The following HSPA12A variants were observed in gnomAD, a reference collection of about 807,000 sequenced individuals.
HSPA12A encodes heat shock protein family A (Hsp70) member 12A, also known as heat shock 70 kDa protein 12A.
A neutral mutation model predicts 69.2 loss-of-function variants in HSPA12A; 28 were observed. The observed-to-expected ratio is 0.40, with a 90% CI of 0.30 to 0.55. HSPA12A has a LOEUF of 0.55. Ranked by LOEUF, HSPA12A falls within the 20% of genes least tolerant of loss-of-function variation. HSPA12A has a pLI of 0.38. For missense variants in HSPA12A, 686 were observed against 900.7 expected, an observed-to-expected ratio of 0.76 and a Z score of 3.05; for synonymous variants, 345 against 370.5, an observed-to-expected ratio of 0.93 and a Z score of 0.79.
chr10:116,687,830 C>T (rs1268773771), intron 6 of HSPA12A, among the ~76,000 whole-genome samples: 1 of 152,232 alleles, frequency 6.6e-6, no homozygotes, highest in African/African-American at 2.4e-5. Flanking sequence ...AGCCCTCCCT[C>T]CACTGGGGCC....
chr10:116,841,646 T>A (rs1845802042), intron 1 of HSPA12A, among the ~76,000 whole-genome samples: 1 of 152,184 alleles, frequency 6.6e-6, no homozygotes, highest in Non-Finnish European at 1.5e-5. Flanking sequence ...GTTTGTCATA[T>A]ACAAAAGAGA....
rs1432371974 is a variant in HSPA12A at position 116,675,296 on chromosome 10, T to C, written c.1513A>G (p.Ile505Val). ...QAAFGDQCRI[I>V]IPQDVGLTIL... Reference sequence around the variant, plus strand: ...GTGAGGCCCACGTCCTGGGGGATGATGATCCGGCACTGGTCCCCAAAAGCA... The same window carrying C: ...GTGAGGCCCACGTCCTGGGGGATGACGATCCGGCACTGGTCCCCAAAAGCA... Residue 505 changes from isoleucine (I) to valine (V), a missense_variant, in exon 12 of 12, where the codon ATC (isoleucine) becomes GTC (valine). Coordinates refer to ENST00000369209, the MANE Select transcript of HSPA12A (RefSeq NM_025015.3). This position sits in a 1 kb window ranked among gnomAD's most constrained non-coding sequence, Gnocchi z 5.2. The C allele has an allele frequency of 1.9e-6, 3 of 1,613,306 alleles. No individual in the cohort carries two copies. Among genetic ancestry groups the C allele is most frequent in the Non-Finnish European group, 8.5e-7 (1 of 1,180,036 alleles).
In HSPA12A at chr10:116,674,502, T is replaced by A. The variant is rs1260662111; in HGVS notation, c.*279A>T. On this transcript the variant is annotated 3_prime_UTR_variant, in exon 12 of 12. Coordinates refer to ENST00000369209, the MANE Select transcript of HSPA12A (RefSeq NM_025015.3). ...CTGCAGAAATGTACTGATTCCCTTC[T>A]CCGTGGCCATTTCACCACTTTTGTA... 8 of 469,682 alleles carry A rather than the reference T, an allele frequency of 1.7e-5. No individual in the cohort carries two copies. The East Asian group carries it at 3.0e-4, about 18-fold the overall frequency. The allele number at this position is 469,682 out of a possible 1,614,324, so 29.1% of individuals were successfully genotyped here.
chr10:116,707,330 G>A (rs1185607916), intron 1 of HSPA12A, 45 bp from the exon 2 acceptor site: 3 of 1,445,034 alleles, frequency 2.1e-6, no homozygotes, highest in Non-Finnish European at 2.9e-6. Context: ...GGCATGGACT[G>A]ACCCAGGGGG....
chr10:116,718,971 G>T (rs146506951), intron 1 of HSPA12A, among the ~76,000 whole-genome samples: 70 of 152,146 alleles, frequency 4.6e-4, no homozygotes, highest in African/African-American at 1.5e-3. Context: ...CTACATGCCG[G>T]GTGTTGTAGA....
chr10:116,724,727 G>A (rs539782273), intron 1 of HSPA12A, among the ~76,000 whole-genome samples: 86 of 152,344 alleles, frequency 5.6e-4, no homozygotes, highest in South Asian at 2.1e-3. Flanking sequence ...TGGGGCAGAG[G>A]AGACAAGTGA....
chr10:116,786,604 A>T (rs1844582547), intron 2 of HSPA12A, among the ~76,000 whole-genome samples: 1 of 152,140 alleles, frequency 6.6e-6, no homozygotes, highest in East Asian at 1.9e-4. Context: ...AGTGGCGTTC[A>T]TCTGTAGCTG....
intron 2 of HSPA12A, among the ~76,000 whole-genome samples, chr10:116,823,881 G>C (rs1386009692): frequency 6.6e-6 from 1 of 152,132 alleles, no homozygotes; most frequent in Non-Finnish European, 1.5e-5. Context: ...AAAACCACAT[G>C]CAACAAGAAA....
chr10:116,788,945 A>C (rs1844640344), intron 2 of HSPA12A, among the ~76,000 whole-genome samples: 1 of 149,970 alleles, frequency 6.7e-6, no homozygotes, highest in Non-Finnish European at 1.5e-5. Context: ...AGCTCACTGC[A>C]ACCTCTACCT....
Position 116,707,180 on chromosome 10 carries a change from C to A in HSPA12A, c.126+20G>T. The A allele has an allele frequency of 6.4e-7, 1 of 1,566,780 alleles. No individual in the cohort carries two copies. The highest frequency in any genetic ancestry group is 1.2e-5 in the South Asian group (1 of 86,498). On this transcript the variant is annotated intron_variant, in intron 2 of 11. Coordinates refer to ENST00000369209, the MANE Select transcript of HSPA12A (RefSeq NM_025015.3). ...ACACACACACACACACACACACACA[C>A]ACACACACACACTTCTTACCACAAT...
At chr10:116,807,859 T>C (rs1845097864) in intron 2 of HSPA12A, among the ~76,000 whole-genome samples, 1 of 152,170 alleles carries the variant, frequency 6.6e-6, no homozygotes, top group South Asian at 2.1e-4. Flanking sequence ...CTGGCTGACA[T>C]CATTCTTCAA....
At chr10:116,794,757 G>A (rs1844781622) in intron 2 of HSPA12A, among the ~76,000 whole-genome samples, 1 of 151,424 alleles carries the variant, frequency 6.6e-6, no homozygotes, top group Admixed American at 6.6e-5. Context: ...AGATTGCAGT[G>A]AGCCGAGATC....
intron 2 of HSPA12A, among the ~76,000 whole-genome samples, chr10:116,705,912 T>C (rs111375147): frequency 1.3e-5 from 2 of 150,266 alleles, no homozygotes; most frequent in Non-Finnish European, 3.0e-5. Flanking sequence ...TTTTTTTTTT[T>C]TGAGACGGAG....
At chr10:116,796,197 C>T (rs1220432830) in intron 2 of HSPA12A, among the ~76,000 whole-genome samples, 9 of 146,222 alleles carry the variant, frequency 6.2e-5, no homozygotes, top group African/African-American at 2.3e-4. Context: ...ATAAGTTATA[C>T]ACAATATAAA....
chr10:116,768,267 T>C (rs1844124254), intron 2 of HSPA12A, among the ~76,000 whole-genome samples: 3 of 152,212 alleles, frequency 2.0e-5, no homozygotes, highest in Admixed American at 6.5e-5. Flanking sequence ...CACATACTGT[T>C]TGATTCCATT....
intron 1 of HSPA12A, among the ~76,000 whole-genome samples, chr10:116,726,628 G>C (rs890769151): frequency 6.6e-6 from 1 of 152,146 alleles, no homozygotes. Context: ...AGGCCCAAGA[G>C]GGGGCTGCCC....
In HSPA12A at chr10:116,675,900, G is replaced by A. The variant is rs989535324; in HGVS notation, c.1391-482C>T. On this transcript the variant is annotated intron_variant, in intron 11 of 11. Coordinates refer to ENST00000369209, the MANE Select transcript of HSPA12A (RefSeq NM_025015.3). This position sits in a 1 kb window ranked among gnomAD's most constrained non-coding sequence, Gnocchi z 5.2. ...CTGGGTACTGCCACCAATGTAGCAG[G>A]AAAATGACATAGCCAGATTCCATTT... is the stretch of plus-strand genomic sequence containing the variant. Among the ~76,000 whole-genome samples, 2 of 152,158 alleles carry A rather than the reference G, an allele frequency of 1.3e-5. No individual in the cohort carries two copies. The highest frequency in any genetic ancestry group is 1.9e-4 in the East Asian group (1 of 5,184).
At chr10:116,826,931 G>A (rs1589728351) in intron 2 of HSPA12A, among the ~76,000 whole-genome samples, 1 of 152,290 alleles carries the variant, frequency 6.6e-6, no homozygotes, top group South Asian at 2.1e-4. Context: ...TCATATTACA[G>A]ATGGGGAAAC....
chr10:116,720,008 T>C (rs1490072935), intron 1 of HSPA12A, among the ~76,000 whole-genome samples: 2 of 152,326 alleles, frequency 1.3e-5, no homozygotes, highest in South Asian at 2.1e-4. Context: ...TGCTAATGAA[T>C]AGGAGTTTCT....
Sources: allele counts gnomAD v4.1 joint callset (sites outside exome capture counted in the v4.1 genomes callset), GRCh38; gene constraint gnomAD v4.1.1; non-coding constraint Gnocchi (gnomAD v3.1); transcripts MANE v1.5; gene names NCBI Gene and HGNC (gene_info 2026-07-23, HGNC 2026-07-21).